The following TLE6 variants were observed in gnomAD, a reference collection of about 807,000 sequenced individuals.
The protein encoded by TLE6 is TLE family member 6, subcortical maternal complex member.
TLE6 carries 72 observed loss-of-function variants against 77.1 expected under a neutral mutation model. The ratio of observed to expected loss-of-function variants is 0.93; its 90% confidence interval spans 0.77 to 1.14. The LOEUF is 1.14. Ranked by LOEUF, TLE6 falls within the 50% of genes most tolerant of loss-of-function variation. The probability of loss-of-function intolerance (pLI) is 0.00; values close to 1 mark genes in which losing one functional copy is unlikely to be tolerated. For missense variants in TLE6, 843 were observed against 747.6 expected, an observed-to-expected ratio of 1.13 and a Z score of -1.49; for synonymous variants, 366 against 287.3, an observed-to-expected ratio of 1.27 and a Z score of -2.77.
rs1267424598 is a variant in TLE6 at position 2,995,066 on chromosome 19, C to CG, written c.*62_*63insG. On this transcript the variant is annotated 3_prime_UTR_variant, in exon 17 of 17. Transcript: ENST00000246112. ...TTTCATCCCCCCCCTTCCCCCCCCCCAACAAGGGGGACATGGTGGAGGGAA... is the reference window on the plus strand; with the variant it reads ...TTTCATCCCCCCCCTTCCCCCCCCCCGAACAAGGGGGACATGGTGGAGGGAA... The CG allele has an allele frequency of 4.0e-6, 4 of 1,010,380 alleles. No individual in the cohort carries two copies. The East Asian group carries it at 1.1e-4, about 27-fold the overall frequency. 62.6% of individuals were successfully genotyped at this position (1,010,380 alleles called of 1,614,324 possible).
chr19:2,978,961 T>G (rs887624256), intron 2 of TLE6, among the ~76,000 whole-genome samples: 12 of 152,112 alleles, frequency 7.9e-5, no homozygotes, highest in Non-Finnish European at 1.3e-4. Flanking sequence ...CTTTATGATT[T>G]TATTATGTTT....
At chr19:2,991,534 C>T (rs2089064478) in intron 13 of TLE6, among the ~76,000 whole-genome samples, 1 of 151,170 alleles carries the variant, frequency 6.6e-6, no homozygotes, top group South Asian at 2.1e-4. Context: ...GCACTATTCC[C>T]CTTCCCTGCT....
Position 2,986,906 on chromosome 19 carries a change from C to A in TLE6, c.285+15C>A, listed in dbSNP as rs1385178178. On this transcript the variant is annotated intron_variant, in intron 6 of 16. Transcript: ENST00000246112. ...AGTCTGAGGAGGTGAGTTTCTGGGT[C>A]TTCAAGGAGGGGAGGGGACAGGCTT... 3.2e-6 allele frequency: 5 copies of A among 1,552,002 alleles called. No homozygotes were observed. The highest frequency in any genetic ancestry group is 2.6e-6 in the Non-Finnish European group (3 of 1,147,170).
chr19:2,979,075 C>T (rs926856003), intron 2 of TLE6, among the ~76,000 whole-genome samples: 5 of 152,064 alleles, frequency 3.3e-5, no homozygotes, highest in African/African-American at 9.7e-5. Context: ...CCTCGCCTCC[C>T]GAGTAGCTGG....
rs950586656 is a variant in TLE6 at position 2,989,112 on chromosome 19, G to A, written c.792G>A (p.Leu264=). 2 of 1,614,146 alleles carry A rather than the reference G, an allele frequency of 1.2e-6. No homozygotes were observed. Among genetic ancestry groups the A allele is most frequent in the African/African-American group, 2.7e-5 (2 of 75,052 alleles). ...FEDAWKRPDA[L]PGQSKRLAVP... ...ATGCATGGAAGAGGCCAGATGCCTT[G>A]CCCGGGCAGTCAAAGAGACTCGCCG... Residue 264 remains leucine, a synonymous_variant, in exon 12 of 17, where the codon TTG becomes TTA. Coordinates refer to ENST00000246112, the MANE Select transcript of TLE6 (RefSeq NM_001143986.2).
rs562575290 is a variant in TLE6 at position 2,986,409 on chromosome 19, T to C, written c.223-420T>C. ...CCAGCCTGGGTGTCAGAGTGAGATC[T>C]TATCTGCAAAAAAGTAGATGAAGGC... On this transcript the variant is annotated intron_variant, in intron 5 of 16. Coordinates refer to ENST00000246112, the MANE Select transcript of TLE6 (RefSeq NM_001143986.2). 2.1e-5 allele frequency among the ~76,000 whole-genome samples: 3 copies of C among 144,002 alleles called. No individual in the cohort carries two copies. The South Asian group carries it at 6.7e-4, about 32-fold the overall frequency. 94.5% of individuals were successfully genotyped at this position (144,002 alleles called of 152,430 possible).
At chr19:2,978,905 GT>G (rs565972693) in intron 2 of TLE6, among the ~76,000 whole-genome samples, 18 of 151,262 alleles carry the variant, frequency 1.2e-4, no homozygotes, top group Non-Finnish European at 2.7e-4. Context: ...CTGAGCAGAC[GT>G]TTTTTTTTGT....
intron 2 of TLE6, among the ~76,000 whole-genome samples, 196 bp downstream of exon 2, chr19:2,978,480 T>G (rs774839498): frequency 1.2e-4 from 18 of 152,154 alleles, no homozygotes; most frequent in Non-Finnish European, 2.4e-4. Flanking sequence ...CTGGACACTG[T>G]GGCTCACAAC....
chr19:2,991,361 A>G (rs2089052154), intron 13 of TLE6, among the ~76,000 whole-genome samples: 2 of 138,144 alleles, frequency 1.4e-5, no homozygotes, highest in African/African-American at 5.4e-5. Flanking sequence ...TCCATTTCAA[A>G]AAAAAAAAAA....
At chr19:2,990,664 T>TATAA (rs1469263004) in intron 13 of TLE6, among the ~76,000 whole-genome samples, 7 of 67,124 alleles carry the variant, frequency 1.0e-4, no homozygotes, top group Non-Finnish European at 2.0e-4. Flanking sequence ...TACATAAATA[T>TATAA]ATACATAAAT....
At chr19:2,979,764 C>A (rs2088756886) in intron 2 of TLE6, among the ~76,000 whole-genome samples, 1 of 149,840 alleles carries the variant, frequency 6.7e-6, no homozygotes, top group Non-Finnish European at 1.5e-5. Context: ...GATGGTGAAA[C>A]CCCATCTCTA....
chr19:2,989,436 G>A, intron 12 of TLE6, 99 bp from the exon 13 acceptor site: 3 of 1,567,922 alleles, frequency 1.9e-6, no homozygotes, highest in Non-Finnish European at 2.6e-6. Flanking sequence ...TAATAGCTAG[G>A]AACCTAAAGG....
At chr19:2,979,155 T>C (rs2088742740) in intron 2 of TLE6, among the ~76,000 whole-genome samples, 1 of 151,988 alleles carries the variant, frequency 6.6e-6, no homozygotes, top group South Asian at 2.1e-4. Flanking sequence ...GGTTTCACCA[T>C]GTTGGCCAGG....
At chr19:2,989,366 TGAGGTTTGAGTCTGGCA>T (rs2145051488) in intron 12 of TLE6, 53 bp downstream of exon 12, 1 of 1,602,344 alleles carries the variant, frequency 6.2e-7, no homozygotes, top group East Asian at 2.2e-5. Context: ...ACAGGGGGTT[TGAGGTTTGAGTCTGGCA>T]GAGCCCAGAT....
chr19:2,986,939 G>T, intron 6 of TLE6, 44 bp from the exon 7 acceptor site: 3 of 1,556,054 alleles, frequency 1.9e-6, no homozygotes, highest in Non-Finnish European at 2.6e-6. Flanking sequence ...CTTGGGTGAA[G>T]GCTCATCCTC....
intron 8 of TLE6, 137 bp downstream of exon 8, chr19:2,987,509 T>C (rs1036775035): frequency 2.3e-6 from 3 of 1,331,062 alleles, no homozygotes; most frequent in African/African-American, 2.9e-5. Context: ...CGGGGGGGAC[T>C]TGGGTGATCC....
At chr19:2,983,936 G>A (rs569582097) in intron 5 of TLE6, 3 of 152,408 alleles carry the variant, frequency 2.0e-5, no homozygotes, top group Admixed American at 2.0e-4. Context: ...CCAGAGCAAA[G>A]GAGCCACTTC....
At position 2,993,471 on chromosome 19, in the gene TLE6, C is replaced by T; in HGVS notation, c.1426C>T (p.Leu476=). Residue 476 remains leucine, a synonymous_variant, in exon 15 of 17, where the codon CTG becomes TTG. Transcript: ENST00000246112. ...CCACAGCCCCCAGGAGGACTGGGTGCTGCTGGGCATGGCCAATGGCCAGCA... is the reference window on the plus strand; with the variant it reads ...CCACAGCCCCCAGGAGGACTGGGTGTTGCTGGGCATGGCCAATGGCCAGCA... ...LSHSPQEDWV[L]LGMANGQQWL... 9.4e-6 allele frequency: 15 copies of T among 1,604,130 alleles called. No homozygotes were observed. Among genetic ancestry groups the T allele is most frequent in the Non-Finnish European group, 1.2e-5 (14 of 1,172,548 alleles).
chr19:2,981,420 C>T (rs966874407), intron 3 of TLE6, 118 bp from the exon 4 acceptor site: 77 of 1,077,854 alleles, frequency 7.1e-5, no homozygotes, highest in Non-Finnish European at 9.9e-5. Flanking sequence ...AATTTGGCTT[C>T]TGGAGCCAGT....
Sources: allele counts gnomAD v4.1 joint callset (sites outside exome capture counted in the v4.1 genomes callset), GRCh38; gene constraint gnomAD v4.1.1; transcripts MANE v1.5; gene names NCBI Gene and HGNC (gene_info 2026-07-23, HGNC 2026-07-21).